THRB: variants seen among roughly 807,000 people sequenced by gnomAD.
THRB encodes the protein thyroid hormone receptor beta, also known as nuclear receptor subfamily 1 group A member 2.
Under a neutral mutation model 47.8 loss-of-function variants are expected in THRB, and 12 were observed. The observed-to-expected ratio is 0.25, with a 90% CI of 0.16 to 0.41. The LOEUF (loss-of-function observed/expected upper bound fraction) is 0.41, where lower values mean the gene tolerates loss of function less well. Among genes scored for constraint, THRB ranks in the 10% least tolerant of loss-of-function variants. The pLI is 1.00. For synonymous variants in THRB, 218 were observed against 212.2 expected, an observed-to-expected ratio of 1.03 and a Z score of -0.24; for missense variants, 348 against 589.2, an observed-to-expected ratio of 0.59 and a Z score of 4.24.
At chr3:24,138,845 C>T (rs530772685) in intron 8 of THRB, among the ~76,000 whole-genome samples, 109 of 152,304 alleles carry the variant, frequency 7.2e-4, no homozygotes, top group Non-Finnish European at 1.5e-3. Flanking sequence ...TAGGAAAGGT[C>T]TCCTCTGATC....
At chr3:24,370,994 A>AC (rs2064867237) in intron 1 of THRB, among the ~76,000 whole-genome samples, 1 of 152,104 alleles carries the variant, frequency 6.6e-6, no homozygotes, top group African/African-American at 2.4e-5. Context: ...ACTATTATTT[A>AC]CCCCATTTTA....
At chr3:24,279,383 G>C (rs1208651879) in intron 3 of THRB, among the ~76,000 whole-genome samples, 2 of 151,672 alleles carry the variant, frequency 1.3e-5, no homozygotes, top group African/African-American at 4.8e-5. Context: ...ATTGCAATGA[G>C]TTCTTTTTTC....
At chr3:24,185,584 T>G (rs369083129) in intron 5 of THRB, among the ~76,000 whole-genome samples, 1 of 152,316 alleles carries the variant, frequency 6.6e-6, no homozygotes, top group African/African-American at 2.4e-5. Context: ...ACAGAGACAT[T>G]TCTGTGAGAT....
chr3:24,146,635 C>T, intron 7 of THRB, 40 bp downstream of exon 7: 1 of 1,610,920 alleles, frequency 6.2e-7, no homozygotes, highest in Non-Finnish European at 8.5e-7. Flanking sequence ...GTTTCCTAAT[C>T]AACATTCCTT....
At chr3:24,315,262 C>A (rs1576770516) in intron 2 of THRB, among the ~76,000 whole-genome samples, 1 of 152,192 alleles carries the variant, frequency 6.6e-6, no homozygotes, top group Non-Finnish European at 1.5e-5. Context: ...CCCTGCTGTC[C>A]TCTGGGCTTT....
chr3:24,422,582 T>C (rs1393119495), intron 1 of THRB, among the ~76,000 whole-genome samples: 1 of 151,948 alleles, frequency 6.6e-6, no homozygotes, highest in African/African-American at 2.4e-5. Flanking sequence ...TTTCCATTTC[T>C]GGCAAAATGG....
At chr3:24,493,132 G>A (rs534583173) in intron 1 of THRB, among the ~76,000 whole-genome samples, 1 of 152,248 alleles carries the variant, frequency 6.6e-6, no homozygotes, top group East Asian at 1.9e-4. Context: ...TTAGCCACCT[G>A]GCATGAAAAC....
chr3:24,222,439 C>T (rs981749573), intron 4 of THRB, among the ~76,000 whole-genome samples: 1 of 151,802 alleles, frequency 6.6e-6, no homozygotes, highest in African/African-American at 2.4e-5. Context: ...GGGAGGGGAG[C>T]GAAGGGTCCA....
chr3:24,303,611 T>C (rs2057116473), intron 2 of THRB, among the ~76,000 whole-genome samples: 1 of 152,186 alleles, frequency 6.6e-6, no homozygotes, highest in South Asian at 2.1e-4. Flanking sequence ...ATGTTAATTA[T>C]CACTTGTCAC....
chr3:24,303,068 G>T (rs997730627), intron 2 of THRB, among the ~76,000 whole-genome samples: 3 of 152,264 alleles, frequency 2.0e-5, no homozygotes, highest in Middle Eastern at 3.4e-3. Flanking sequence ...TCATTTGGTT[G>T]TATTCATTAT....
At chr3:24,297,981 T>C (rs2056590125) in intron 2 of THRB, among the ~76,000 whole-genome samples, 1 of 152,162 alleles carries the variant, frequency 6.6e-6, no homozygotes, top group African/African-American at 2.4e-5. Context: ...AATCACCATC[T>C]CTGGGGGGCA....
intron 10 of THRB, among the ~76,000 whole-genome samples, chr3:24,126,605 G>T (rs2032872609): frequency 6.7e-6 from 1 of 148,150 alleles, no homozygotes; most frequent in African/African-American, 2.5e-5. Flanking sequence ...GACAAGTGAA[G>T]CAGGTAGTTA....
intron 2 of THRB, among the ~76,000 whole-genome samples, chr3:24,312,767 G>A (rs903029969): frequency 2.0e-5 from 3 of 152,210 alleles, no homozygotes; most frequent in Non-Finnish European, 4.4e-5. Context: ...CACAGGGCCT[G>A]GTAGGCCATG....
intron 1 of THRB, among the ~76,000 whole-genome samples, chr3:24,432,562 A>T (rs4630885): frequency 1.4e-4 from 22 of 152,112 alleles, no homozygotes; most frequent in African/African-American, 4.3e-4. Context: ...AAGAGCTTCC[A>T]GGGAAAGTTA....
intron 1 of THRB, among the ~76,000 whole-genome samples, chr3:24,401,677 C>T (rs951437895): frequency 6.6e-6 from 1 of 151,948 alleles, no homozygotes; most frequent in Non-Finnish European, 1.5e-5. Context: ...TATGACTCAA[C>T]CCCCTTGTGT....
intron 1 of THRB, among the ~76,000 whole-genome samples, chr3:24,474,229 A>G (rs1317528467): frequency 2.0e-5 from 3 of 152,112 alleles, no homozygotes; most frequent in South Asian, 4.1e-4. Context: ...GTTAACTGTT[A>G]AAAATAACAT....
intron 3 of THRB, among the ~76,000 whole-genome samples, chr3:24,243,728 G>A (rs1455408492): frequency 6.6e-6 from 1 of 152,028 alleles, no homozygotes; most frequent in African/African-American, 2.4e-5. Flanking sequence ...TGCTGTTGTT[G>A]ACTGTTTTTT....
chr3:24,128,863 C>CTTTTTTTT lies in THRB; in HGVS notation c.886-1114_886-1107dup, dbSNP rs57890674. ...GCCAAGAGAAGAAGGAAACATAACT[C>CTTTTTTTT]TTTTTTTTTTTTTTTTTTTTTTTTT... On this transcript the variant is annotated intron_variant, in intron 9 of 10. Transcript: ENST00000646209. 1.4e-3 allele frequency among the ~76,000 whole-genome samples: 121 copies of CTTTTTTTT among 87,052 alleles called. 14 individuals are homozygous for CTTTTTTTT. The highest frequency in any genetic ancestry group is 9.1e-3 in the Middle Eastern group (1 of 110). 57.1% of individuals were successfully genotyped at this position (87,052 alleles called of 152,430 possible). A position where few individuals can be genotyped will look rare whatever the true frequency, so the allele number is the denominator to read the frequency against.
intron 1 of THRB, among the ~76,000 whole-genome samples, chr3:24,339,951 C>CA (rs953912942): frequency 6.6e-6 from 1 of 152,118 alleles, no homozygotes; most frequent in Non-Finnish European, 1.5e-5. Context: ...TTTGTAGTTT[C>CA]AAAGGAATCT....
Sources: gnomAD v4.1 joint callset for allele counts (sites outside exome capture counted in the v4.1 genomes callset) on GRCh38, gnomAD v4.1.1 for gene constraint, MANE v1.5 for transcripts, NCBI Gene and HGNC (gene_info 2026-07-23, HGNC 2026-07-21) for gene names.